HMGA2: variants seen among roughly 807,000 people sequenced by gnomAD.
HMGA2 encodes high mobility group protein HMGI-C.
HMGA2 carries 8 observed loss-of-function variants against 19.1 expected under a neutral mutation model. That is an observed-to-expected ratio of 0.42 (90% CI 0.25 to 0.76). The LOEUF (loss-of-function observed/expected upper bound fraction) is 0.76, where lower values mean the gene tolerates loss of function less well. HMGA2 is among the 30% of genes least tolerant of loss of function. The probability of loss-of-function intolerance (pLI) is 0.28; values close to 1 mark genes in which losing one functional copy is unlikely to be tolerated. For synonymous variants in HMGA2, 60 were observed against 48.8 expected (o/e 1.23, Z -0.96); for missense variants, 109 against 136.3 (o/e 0.80, Z 1.00).
chr12:65,888,744 T>C (rs1409939174), intron 3 of HMGA2, among the ~76,000 whole-genome samples: 1 of 151,292 alleles, frequency 6.6e-6, no homozygotes, highest in East Asian at 2.0e-4. Context: ...TTTGTATTTT[T>C]AGTAGAGACG....
intron 3 of HMGA2, chr12:65,915,351 C>A: frequency 7.4e-7 from 1 of 1,346,280 alleles, no homozygotes; most frequent in Admixed American, 3.0e-5. Flanking sequence ...CACCCTTGTA[C>A]GAATTTGAAA....
rs774033130 is a variant in HMGA2 at position 65,824,729 on chromosome 12, C to CTCTG, written c.-539_-538insGTCT. 8.8e-3 allele frequency: 1,663 copies of CTCTG among 188,366 alleles called. 43 individuals carry two copies. Among genetic ancestry groups the CTCTG allele is most frequent in the African/African-American group, 0.027 (862 of 31,796 alleles). The allele number at this position is 188,366 out of a possible 1,614,324, so 11.7% of individuals were successfully genotyped here. A position where few individuals can be genotyped will look rare whatever the true frequency, so the allele number is the denominator to read the frequency against. The stretch of plus-strand genomic sequence containing the variant: ...CTCAATCTCTTCTCTCTCTCTCTCT[C>CTCTG]TCTCTCTCTCTCTCTCTCTCTCTCT... On this transcript the variant is annotated 5_prime_UTR_variant, in exon 1 of 5. Coordinates refer to ENST00000403681, the MANE Select transcript of HMGA2 (RefSeq NM_003483.6).
At chr12:65,943,882 G>A (rs1004683379) in intron 3 of HMGA2, among the ~76,000 whole-genome samples, 2 of 152,182 alleles carry the variant, frequency 1.3e-5, no homozygotes, top group African/African-American at 4.8e-5. Flanking sequence ...TAGGTTCAGA[G>A]AAAACCCTGA....
At chr12:65,904,044 G>A (rs1874482605) in intron 3 of HMGA2, among the ~76,000 whole-genome samples, 1 of 152,232 alleles carries the variant, frequency 6.6e-6, no homozygotes, top group East Asian at 1.9e-4. Flanking sequence ...AGCGATCCAT[G>A]AGCAGTAATG....
intron 3 of HMGA2, among the ~76,000 whole-genome samples, chr12:65,865,923 T>C (rs1370752993): frequency 2.0e-5 from 3 of 151,966 alleles, no homozygotes; most frequent in Non-Finnish European, 4.4e-5. Context: ...ATTACAGGCA[T>C]GAGCCACCAC....
intron 3 of HMGA2, among the ~76,000 whole-genome samples, chr12:65,901,985 A>G (rs999976081): frequency 6.6e-6 from 1 of 152,202 alleles, no homozygotes; most frequent in Non-Finnish European, 1.5e-5. Context: ...TTTCAAATAT[A>G]ATAAAAATGG....
intron 4 of HMGA2, chr12:65,955,627 C>G (rs947690846): frequency 8.5e-5 from 13 of 152,164 alleles, no homozygotes; most frequent in African/African-American, 3.1e-4. Flanking sequence ...CCCTGGCAAA[C>G]GATGCCTCTG....
chr12:65,834,477 C>A (rs1870616374), intron 2 of HMGA2, among the ~76,000 whole-genome samples: 1 of 152,120 alleles, frequency 6.6e-6, no homozygotes, highest in Non-Finnish European at 1.5e-5. Flanking sequence ...AAATAAGACA[C>A]ACATATAAAC....
At chr12:65,899,592 G>T (rs923433244) in intron 3 of HMGA2, among the ~76,000 whole-genome samples, 1 of 152,202 alleles carries the variant, frequency 6.6e-6, no homozygotes, top group Admixed American at 6.5e-5. Flanking sequence ...AACTGGAAAC[G>T]TTCTGACCAG....
intron 4 of HMGA2, among the ~76,000 whole-genome samples, chr12:65,960,732 TACTA>T (rs1470236483): frequency 3.3e-5 from 5 of 152,370 alleles, no homozygotes; most frequent in African/African-American, 1.2e-4. Flanking sequence ...ATGTTCCCAG[TACTA>T]ACTGATAGTT....
intron 3 of HMGA2, chr12:65,914,739 A>G (rs1320871018): frequency 5.5e-6 from 2 of 361,890 alleles, no homozygotes; most frequent in Non-Finnish European, 1.1e-5. Flanking sequence ...CAGTGGTACA[A>G]TCTCGGCTCA....
rs1413041569 is a variant in HMGA2, at chr12:65,824,735, C to CTG, written c.-535_-534insGT. The CTG allele has an allele frequency of 2.5e-3, 534 of 215,458 alleles. 5 individuals carry two copies. The highest frequency in any genetic ancestry group is 0.011 in the African/African-American group (391 of 36,124). 13.3% of individuals were successfully genotyped at this position (215,458 alleles called of 1,614,324 possible). On this transcript the variant is annotated 5_prime_UTR_variant, in exon 1 of 5. Coordinates refer to ENST00000403681, the MANE Select transcript of HMGA2 (RefSeq NM_003483.6). The stretch of plus-strand genomic sequence containing the variant: ...CTCTTCTCTCTCTCTCTCTCTCTCT[C>CTG]TCTCTCTCTCTCTCTCTCTCTCTCT...
At chr12:65,863,568 T>C (rs953811049) in intron 3 of HMGA2, among the ~76,000 whole-genome samples, 5 of 136,084 alleles carry the variant, frequency 3.7e-5, no homozygotes, top group Non-Finnish European at 7.0e-5. Flanking sequence ...GATCATTAGA[T>C]TTCAAAGAAA....
chr12:65,950,472 T>G (rs1876419829), intron 3 of HMGA2, among the ~76,000 whole-genome samples: 1 of 152,208 alleles, frequency 6.6e-6, no homozygotes, highest in Non-Finnish European at 1.5e-5. Flanking sequence ...TATAGTATGA[T>G]TCCACTTACA....
chr12:65,838,420 T>C, intron 2 of HMGA2, 99 bp from the exon 3 acceptor site: 1 of 890,702 alleles, frequency 1.1e-6, no homozygotes. Flanking sequence ...ATACGTCATC[T>C]GCAAAGCAGA....
chr12:65,956,183 CT>C (rs1404397692), intron 4 of HMGA2: 1 of 152,176 alleles, frequency 6.6e-6, no homozygotes, highest in Non-Finnish European at 1.5e-5. Context: ...TTTATACTGC[CT>C]AAGTCACAAA....
chr12:65,852,373 C>T (rs867780999), intron 3 of HMGA2, among the ~76,000 whole-genome samples: 22 of 152,082 alleles, frequency 1.4e-4, no homozygotes, highest in African/African-American at 4.3e-4. Flanking sequence ...CATGGTGGCG[C>T]GCTGCTGTAA....
chr12:65,917,270 C>T (rs1306156542), intron 3 of HMGA2, among the ~76,000 whole-genome samples: 1 of 152,162 alleles, frequency 6.6e-6, no homozygotes, highest in Non-Finnish European at 1.5e-5. Context: ...GTCCCTGCCA[C>T]TGAGGCCGTG....
At chr12:65,922,648 G>C (rs1411814314) in intron 3 of HMGA2, among the ~76,000 whole-genome samples, 1 of 152,166 alleles carries the variant, frequency 6.6e-6, no homozygotes, top group Non-Finnish European at 1.5e-5. Context: ...TTGGGGGACT[G>C]TTGGGAAGGC....
Sources: gnomAD v4.1 joint callset for allele counts (sites outside exome capture counted in the v4.1 genomes callset) on GRCh38, gnomAD v4.1.1 for gene constraint, MANE v1.5 for transcripts, NCBI Gene and HGNC (gene_info 2026-07-23, HGNC 2026-07-21) for gene names.